Variants in SHISA9 observed in about 807,000 individuals in gnomAD.
SHISA9 encodes shisa family member 9.
SHISA9 carries 13 observed loss-of-function variants against 38.0 expected under a neutral mutation model. That is an observed-to-expected ratio of 0.34 (90% CI 0.22 to 0.54). SHISA9 has a LOEUF of 0.54. Ranked by LOEUF, SHISA9 falls within the 20% of genes least tolerant of loss-of-function variation. The pLI is 0.91. For synonymous variants in SHISA9, 275 were observed against 242.0 expected (o/e 1.14, Z -1.27); for missense variants, 538 against 575.8 (o/e 0.93, Z 0.67).
intron 2 of SHISA9, among the ~76,000 whole-genome samples, chr16:13,171,101 T>C (rs1334726111): frequency 6.6e-6 from 1 of 151,990 alleles, no homozygotes. Context: ...CGGCCAAAAT[T>C]GAAGGGGAAG....
At chr16:13,413,757 C>CAAAAA in the SHISA9 span, among the ~76,000 whole-genome samples, 3 of 52,926 alleles carry the variant, frequency 5.7e-5, no homozygotes, top group Admixed American at 3.2e-4. Flanking sequence ...GACTTCATCT[C>CAAAAA]AAAAAAAAAA....
the SHISA9 span, among the ~76,000 whole-genome samples, chr16:13,365,818 A>G: frequency 6.6e-6 from 1 of 152,152 alleles, no homozygotes; most frequent in African/African-American, 2.4e-5. Context: ...CGGAACACCA[A>G]GTTGTAATTG....
At chr16:13,519,462 A>T in the SHISA9 span, among the ~76,000 whole-genome samples, 17 of 152,044 alleles carry the variant, frequency 1.1e-4, no homozygotes, top group African/African-American at 4.1e-4. Flanking sequence ...CATAAATGCC[A>T]TTGCCAAAAT....
rs151301801 is a variant in SHISA9, at chr16:12,967,283, A to G, written c.691+50468A>G. Among the ~76,000 whole-genome samples, 880 of 152,304 alleles carry G rather than the reference A, an allele frequency of 5.8e-3. 7 individuals are homozygous for G. The highest frequency in any genetic ancestry group is 0.034 in the Middle Eastern group (10 of 294). ...AGGGACATAGATGAAGCTGGAAACC[A>G]TCATTCTCAGCAAACTATGGCAAGG... On this transcript the variant is annotated intron_variant, in intron 2 of 4. Transcript: ENST00000558583.
chr16:13,549,904 T>A, the SHISA9 span, among the ~76,000 whole-genome samples: 1 of 151,720 alleles, frequency 6.6e-6, no homozygotes, highest in Admixed American at 6.6e-5. Context: ...GCGCCTGTAA[T>A]CCCAGCTACT....
At chr16:13,207,338 G>A (rs2051074980) in intron 3 of SHISA9, among the ~76,000 whole-genome samples, 1 of 152,180 alleles carries the variant, frequency 6.6e-6, no homozygotes, top group African/African-American at 2.4e-5. Context: ...CATGGCAAAT[G>A]TCTGCAATGC....
chr16:12,926,865 A>C (rs1456604512), intron 2 of SHISA9, among the ~76,000 whole-genome samples: 1 of 152,184 alleles, frequency 6.6e-6, no homozygotes, highest in African/African-American at 2.4e-5. Context: ...TTTGTCTTAC[A>C]CTATAGATCT....
chr16:13,007,129 A>C (rs1007747606), intron 2 of SHISA9, among the ~76,000 whole-genome samples: 5 of 152,158 alleles, frequency 3.3e-5, no homozygotes, highest in African/African-American at 1.2e-4. Flanking sequence ...AACACAGACT[A>C]ACTCGTTCTC....
chr16:13,390,710 C>G, the SHISA9 span, among the ~76,000 whole-genome samples: 1 of 152,172 alleles, frequency 6.6e-6, no homozygotes, highest in African/African-American at 2.4e-5. Flanking sequence ...TATGATTCCC[C>G]ACATTTGTGT....
intron 4 of SHISA9, among the ~76,000 whole-genome samples, chr16:13,227,120 A>AT (rs1267491072): frequency 6.6e-6 from 1 of 152,166 alleles, no homozygotes; most frequent in Non-Finnish European, 1.5e-5. Flanking sequence ...TAGAATGTTT[A>AT]TTCCAGGATG....
chr16:12,905,731 A>G (rs1347945129), intron 1 of SHISA9, among the ~76,000 whole-genome samples: 3 of 151,846 alleles, frequency 2.0e-5, no homozygotes, highest in Non-Finnish European at 4.4e-5. Flanking sequence ...GGCTGGGACT[A>G]CAGGCATGCA....
the SHISA9 span, among the ~76,000 whole-genome samples, chr16:13,396,437 G>A: frequency 2.6e-5 from 4 of 152,190 alleles, no homozygotes; most frequent in Admixed American, 6.5e-5. Context: ...AACTCAGGAG[G>A]TGGAGGTTGC....
chr16:13,172,290 G>A (rs1343770709), intron 2 of SHISA9, among the ~76,000 whole-genome samples: 4 of 152,170 alleles, frequency 2.6e-5, no homozygotes, highest in Non-Finnish European at 5.9e-5. Flanking sequence ...AGATGCCTAG[G>A]GGATTGGAAG....
At chr16:13,369,823 T>G in the SHISA9 span, among the ~76,000 whole-genome samples, 1 of 152,090 alleles carries the variant, frequency 6.6e-6, no homozygotes, top group Non-Finnish European at 1.5e-5. Flanking sequence ...TCAGTGGTTC[T>G]TAACCCCAGG....
At chr16:13,561,946 T>A in the SHISA9 span, among the ~76,000 whole-genome samples, 7 of 151,472 alleles carry the variant, frequency 4.6e-5, no homozygotes, top group Non-Finnish European at 1.5e-5. Flanking sequence ...TAGGCAGGAG[T>A]GGATCCAGGG....
At chr16:13,471,904 C>T in the SHISA9 span, among the ~76,000 whole-genome samples, 2 of 152,152 alleles carry the variant, frequency 1.3e-5, no homozygotes, top group Non-Finnish European at 2.9e-5. Flanking sequence ...GAAAGACTGA[C>T]CATTGCCTGT....
At chr16:13,290,721 A>T in the SHISA9 span, among the ~76,000 whole-genome samples, 1,919 of 152,182 alleles carry the variant, frequency 0.013, 20 homozygotes, top group Middle Eastern at 0.099. Flanking sequence ...TTGGGCTCCT[A>T]CTGTGATAAA....
the SHISA9 span, among the ~76,000 whole-genome samples, chr16:13,348,284 A>G: frequency 1.3e-5 from 2 of 152,052 alleles, no homozygotes; most frequent in Admixed American, 6.6e-5. Flanking sequence ...CGTAATCCAA[A>G]ATGCTCCAAT....
At chr16:13,133,278 C>G (rs957658448) in intron 2 of SHISA9, among the ~76,000 whole-genome samples, 5 of 152,142 alleles carry the variant, frequency 3.3e-5, no homozygotes, top group African/African-American at 9.7e-5. Context: ...AATTCCTAGC[C>G]TCTCTCATGA....
Sources: gnomAD v4.1 joint callset for allele counts (sites outside exome capture counted in the v4.1 genomes callset) on GRCh38, gnomAD v4.1.1 for gene constraint, MANE v1.5 for transcripts, NCBI Gene and HGNC (gene_info 2026-07-23, HGNC 2026-07-21) for gene names.